Variants in C9 observed in about 807,000 individuals in gnomAD.
C9 encodes the protein complement component C9.
C9 carries 63 observed loss-of-function variants against 65.4 expected under a neutral mutation model. That is an observed-to-expected ratio of 0.96 (90% CI 0.79 to 1.19). The LOEUF is 1.19. C9 is among the 50% of genes most tolerant of loss of function. The probability of loss-of-function intolerance (pLI) is 0.00; values close to 1 mark genes in which losing one functional copy is unlikely to be tolerated. For missense variants in C9, 744 were observed against 670.1 expected, an observed-to-expected ratio of 1.11 and a Z score of -1.22; for synonymous variants, 229 against 227.9, an observed-to-expected ratio of 1.00 and a Z score of -0.04.
chr5:39,346,457 C>A (rs1579875560), intron 1 of C9, among the ~76,000 whole-genome samples: 1 of 152,258 alleles, frequency 6.6e-6, no homozygotes, highest in Non-Finnish European at 1.5e-5. Context: ...TACACTCTCC[C>A]AAGACTAAAC....
At chr5:39,362,609 T>A (rs773789956) in intron 1 of C9, among the ~76,000 whole-genome samples, 2 of 152,112 alleles carry the variant, frequency 1.3e-5, no homozygotes, top group Admixed American at 1.3e-4. Context: ...AAACCACATC[T>A]TACAGACGAG....
At chr5:39,354,515 A>G (rs1457511284) in intron 1 of C9, among the ~76,000 whole-genome samples, 1 of 152,182 alleles carries the variant, frequency 6.6e-6, no homozygotes, top group Admixed American at 6.5e-5. Context: ...ATGATATCTG[A>G]AGGGTGGACC....
chr5:39,288,733 T>G lies in C9; in HGVS notation c.1635A>C (p.Lys545Asn), dbSNP rs1439707909. Residue 545 changes from lysine (K) to asparagine (N), a missense_variant, in exon 10 of 11, where the codon AAA becomes AAC. Lys to Asn is a moderately conservative substitution (Grantham distance 94). Coordinates refer to ENST00000263408, the MANE Select transcript of C9 (RefSeq NM_001737.5). The part of the protein sequence containing the change: ...EGIACEISKQ[K>N]ISEGLPALEF... ...ATAAATTGTCCTCACCTTCAGAAATTTTTTGTTTACTGATTTCACAGGCAA... is the reference window on the plus strand; with the variant it reads ...ATAAATTGTCCTCACCTTCAGAAATGTTTTGTTTACTGATTTCACAGGCAA... 6.2e-7 allele frequency: 1 copy of G among 1,603,226 alleles called. No homozygotes were observed. The highest frequency in any genetic ancestry group is 8.5e-7 in the Non-Finnish European group (1 of 1,170,698).
intron 5 of C9, among the ~76,000 whole-genome samples, chr5:39,316,537 C>T (rs1271986984): frequency 6.6e-6 from 1 of 152,064 alleles, no homozygotes; most frequent in Non-Finnish European, 1.5e-5. Flanking sequence ...AGTGTTTTTT[C>T]CCTAACGTGT....
intron 10 of C9, among the ~76,000 whole-genome samples, chr5:39,285,768 G>T (rs1579832946): frequency 6.6e-6 from 1 of 151,296 alleles, no homozygotes; most frequent in African/African-American, 2.4e-5. Context: ...GAGAGCCATT[G>T]GTCTAGGAGT....
chr5:39,364,267 T>C (rs1223681844), intron 1 of C9, 121 bp downstream of exon 1: 1 of 701,854 alleles, frequency 1.4e-6, no homozygotes, highest in African/African-American at 1.7e-5. Context: ...AAGTTTAGAT[T>C]CTAGGGCTCT....
intron 1 of C9, among the ~76,000 whole-genome samples, chr5:39,350,507 T>A (rs1008189241): frequency 1.3e-5 from 2 of 152,164 alleles, no homozygotes; most frequent in African/African-American, 4.8e-5. Context: ...AAGTCCCTTC[T>A]GCCTATGAGC....
intron 1 of C9, among the ~76,000 whole-genome samples, chr5:39,342,977 A>G (rs950680158): frequency 6.6e-6 from 1 of 152,146 alleles, no homozygotes; most frequent in Non-Finnish European, 1.5e-5. Context: ...ACCCAACAAG[A>G]ATCCTACAAA....
intron 1 of C9, among the ~76,000 whole-genome samples, chr5:39,343,402 TC>T (rs1365212383): frequency 6.6e-6 from 1 of 152,124 alleles, no homozygotes; most frequent in African/African-American, 2.4e-5. Context: ...GCTCAGAGGG[TC>T]CCAGGCCCAT....
In C9 at chr5:39,306,670, A is replaced by G. The variant is rs1753383992; in HGVS notation, c.1363T>C (p.Phe455Leu). ...LRGTVIDVTD[F>L]VNWASSINDA... ...TTTATGGAAGAGGCCCAGTTGACAA[A>G]GTCAGTCACATCAATCACGGTTCCT... The change falls in exon 9 of 11, where the codon TTT (phenylalanine) becomes CTT (leucine). Residue 455 changes from phenylalanine (F) to leucine (L), a missense_variant. Transcript: ENST00000263408. 6.2e-7 allele frequency: 1 copy of G among 1,613,808 alleles called. No homozygotes were observed. The highest frequency in any genetic ancestry group is 8.5e-7 in the Non-Finnish European group (1 of 1,179,756).
At chr5:39,290,753 G>T (rs1753077404) in intron 9 of C9, among the ~76,000 whole-genome samples, 1 of 151,818 alleles carries the variant, frequency 6.6e-6, no homozygotes, top group Non-Finnish European at 1.5e-5. Context: ...AATTCAGCAA[G>T]AGTTAGTAGA....
At position 39,311,133 on chromosome 5, in the gene C9, A is replaced by G; in HGVS notation, c.1111+4T>C. On this transcript the variant is annotated splice_donor_region_variant and intron_variant, in intron 7 of 10. Coordinates refer to ENST00000263408, the MANE Select transcript of C9 (RefSeq NM_001737.5). ...TGAAGTCAGAGCTCTATTTCTAGGC[A>G]TACCTTTCCGCTTCATGGAAGCTTT... 6.2e-7 allele frequency: 1 copy of G among 1,613,346 alleles called. No individual in the cohort carries two copies. The highest frequency in any genetic ancestry group is 8.5e-7 in the Non-Finnish European group (1 of 1,179,350).
chr5:39,302,598 A>C (rs1753304813), intron 9 of C9, among the ~76,000 whole-genome samples: 1 of 152,152 alleles, frequency 6.6e-6, no homozygotes, highest in Non-Finnish European at 1.5e-5. Context: ...ATGACGGGTT[A>C]ATTAATTCAT....
chr5:39,329,733 GTTGGTA>G (rs1231831939), intron 5 of C9, among the ~76,000 whole-genome samples: 1 of 152,186 alleles, frequency 6.6e-6, no homozygotes, highest in Non-Finnish European at 1.5e-5. Flanking sequence ...ATTATATGGA[GTTGGTA>G]TTGGTAATAA....
At chr5:39,320,920 A>G (rs1276304217) in intron 5 of C9, among the ~76,000 whole-genome samples, 2 of 152,286 alleles carry the variant, frequency 1.3e-5, no homozygotes, top group East Asian at 3.9e-4. Flanking sequence ...AGAATAGTAT[A>G]CTTGGCAATT....
chr5:39,360,751 T>A (rs1403174483), intron 1 of C9, among the ~76,000 whole-genome samples: 1 of 152,174 alleles, frequency 6.6e-6, no homozygotes, highest in East Asian at 1.9e-4. Context: ...AATACCTATT[T>A]TTTTTTTAAC....
chr5:39,353,311 C>T (rs1754355746), intron 1 of C9, among the ~76,000 whole-genome samples: 2 of 152,214 alleles, frequency 1.3e-5, no homozygotes, highest in Non-Finnish European at 2.9e-5. Context: ...TTTTAAGCCA[C>T]TAAGTTTGTA....
intron 1 of C9, among the ~76,000 whole-genome samples, chr5:39,343,968 T>C (rs1754140647): frequency 6.6e-6 from 1 of 152,158 alleles, no homozygotes; most frequent in Non-Finnish European, 1.5e-5. Context: ...GGATCATGAC[T>C]GCTAGAAGGA....
chr5:39,326,909 T>C (rs1221227503), intron 5 of C9, among the ~76,000 whole-genome samples: 4 of 152,218 alleles, frequency 2.6e-5, no homozygotes, highest in Admixed American at 6.5e-5. Context: ...ATTAGAAATA[T>C]TAACTTACAG....
Sources: gnomAD v4.1 joint callset for allele counts (sites outside exome capture counted in the v4.1 genomes callset) on GRCh38, gnomAD v4.1.1 for gene constraint, MANE v1.5 for transcripts, NCBI Gene and HGNC (gene_info 2026-07-23, HGNC 2026-07-21) for gene names.